The following CX3CR1 variants were observed in gnomAD, a reference collection of about 807,000 sequenced individuals.
CX3CR1 encodes the protein CX3C chemokine receptor 1.
For missense variants in CX3CR1, 363 were observed against 432.4 expected (o/e 0.84, Z 1.42); for synonymous variants, 168 against 178.5 (o/e 0.94, Z 0.47).
At chr3:39,273,623 C>T (rs1037422012) in intron 1 of CX3CR1, among the ~76,000 whole-genome samples, 2 of 152,202 alleles carry the variant, frequency 1.3e-5, no homozygotes, top group African/African-American at 4.8e-5. Context: ...CTCAATTTTT[C>T]AGCAAGAATC....
At chr3:39,290,852 C>T in the CX3CR1 span, among the ~76,000 whole-genome samples, 14 of 151,362 alleles carry the variant, frequency 9.2e-5, no homozygotes, top group African/African-American at 1.9e-4. Context: ...ACCTGGGAGG[C>T]GGAGGTTGCA....
At position 39,265,558 on chromosome 3, in the gene CX3CR1, G is replaced by A. The variant is rs150319988; in HGVS notation, c.952C>T (p.Arg318Cys). 169 of 1,614,154 alleles carry A rather than the reference G, an allele frequency of 1.0e-4. No individual in the cohort carries two copies. The highest frequency in any genetic ancestry group is 4.5e-4 in the Admixed American group (27 of 60,016). ...YGKCLAVLCG[R>C]SVHVDFSSSE... Reference sequence around the variant, plus strand: ...GAGGAGAAATCAACGTGGACTGAGCGCCCACACAGGACAGCCAGGCATTTC... The same window carrying A: ...GAGGAGAAATCAACGTGGACTGAGCACCCACACAGGACAGCCAGGCATTTC... Residue 318 changes from arginine (R) to cysteine (C), a missense_variant, in exon 2 of 2, where the codon CGC (arginine) becomes TGC (cysteine). Transcript: ENST00000399220.
At chr3:39,274,761 C>G (rs367713514) in intron 1 of CX3CR1, among the ~76,000 whole-genome samples, 1 of 151,824 alleles carries the variant, frequency 6.6e-6, no homozygotes, top group Admixed American at 6.6e-5. Flanking sequence ...ATATTCTAGT[C>G]TAAGTAGAAA....
intron 1 of CX3CR1, among the ~76,000 whole-genome samples, chr3:39,278,805 C>T (rs1365345523): frequency 1.3e-5 from 2 of 152,068 alleles, no homozygotes; most frequent in African/African-American, 2.4e-5. Context: ...AATAACAAGC[C>T]GTGGTCAGTC....
At chr3:39,267,168 T>C (rs988857015) in intron 1 of CX3CR1, among the ~76,000 whole-genome samples, 1 of 147,704 alleles carries the variant, frequency 6.8e-6, no homozygotes, top group Non-Finnish European at 1.5e-5. Flanking sequence ...GTTTGACCAA[T>C]GTGTGGATGA....
upstream of CX3CR1, among the ~76,000 whole-genome samples, chr3:39,285,788 T>C (rs950610801): frequency 6.6e-6 from 1 of 152,204 alleles, no homozygotes; most frequent in Non-Finnish European, 1.5e-5. Flanking sequence ...TGAACTACAA[T>C]CTTGAATTTT....
At chr3:39,273,279 G>A (rs1479081286) in intron 1 of CX3CR1, among the ~76,000 whole-genome samples, 2 of 152,218 alleles carry the variant, frequency 1.3e-5, no homozygotes, top group Non-Finnish European at 2.9e-5. Flanking sequence ...AGTGGAAAAT[G>A]GAATGCGGGA....
At chr3:39,288,356 A>G in the CX3CR1 span, among the ~76,000 whole-genome samples, 3 of 152,232 alleles carry the variant, frequency 2.0e-5, no homozygotes, top group African/African-American at 7.2e-5. Context: ...TTAAGGATAC[A>G]AAGATGAATA....
chr3:39,281,786 G>GCCACGGGCACAGGCA, upstream of CX3CR1: 1 of 983,772 alleles, frequency 1.0e-6, no homozygotes, highest in Non-Finnish European at 1.6e-6. Context: ...CAACATGCCT[G>GCCACGGGCACAGGCA]TGCCCGTGGC....
At chr3:39,276,118 T>C (rs1156334005) in intron 1 of CX3CR1, among the ~76,000 whole-genome samples, 1 of 152,044 alleles carries the variant, frequency 6.6e-6, no homozygotes, top group Non-Finnish European at 1.5e-5. Context: ...GTGAAGATGG[T>C]GGAGTTGGGA....
At chr3:39,281,231 C>T (rs9818167), upstream of CX3CR1, 5,391 of 1,040,786 alleles carry the variant, frequency 5.2e-3, 211 homozygotes, top group African/African-American at 0.084. Flanking sequence ...CAGTGTTTGG[C>T]CACCTTTCCC....
At chr3:39,275,955 A>G (rs566014018) in intron 1 of CX3CR1, among the ~76,000 whole-genome samples, 40 of 149,602 alleles carry the variant, frequency 2.7e-4, no homozygotes, top group African/African-American at 9.6e-4. Flanking sequence ...GTTTGAGCTG[A>G]TGTTTTAAGG....
the CX3CR1 span, among the ~76,000 whole-genome samples, chr3:39,288,497 T>C: frequency 6.6e-6 from 1 of 152,174 alleles, no homozygotes; most frequent in African/African-American, 2.4e-5. Flanking sequence ...TCCCCTGAGC[T>C]CTGTCTCCCC....
At position 39,265,503 on chromosome 3, in the gene CX3CR1, C is replaced by T; in HGVS notation, c.1007G>A (p.Ser336Asn). The T allele has an allele frequency of 6.2e-7, 1 of 1,614,246 alleles. No individual in the cohort carries two copies. ...SSESQRSRHG[S>N]VLSSNFTYHT... Reference sequence around the variant, plus strand: ...GTAAGTAAAATTGCTGCTCAGAACACTTCCATGCCTGCTCCTTTGTGATTC... The same window carrying T: ...GTAAGTAAAATTGCTGCTCAGAACATTTCCATGCCTGCTCCTTTGTGATTC... Residue 336 changes from serine (S) to asparagine (N), a missense_variant, in exon 2 of 2, where the codon AGT becomes AAT. By Grantham distance (46) the Ser-to-Asn change is conservative. Transcript: ENST00000399220.
In CX3CR1 at chr3:39,265,655, A is replaced by G. The variant is rs1173177338; in HGVS notation, c.855T>C (p.His285=). The change falls in exon 2 of 2, where the codon CAT becomes CAC. Residue 285 remains histidine, a synonymous_variant. Coordinates refer to ENST00000399220, the MANE Select transcript of CX3CR1 (RefSeq NM_001337.4). Reference sequence around the variant, plus strand: ...CATAGATGAGAGGATTCAGGCAACAATGGCTAAATGCAACCGTCTCAGTCA... The same window carrying G: ...CATAGATGAGAGGATTCAGGCAACAGTGGCTAAATGCAACCGTCTCAGTCA... ...LSVTETVAFS[H]CCLNPLIYAF... is the part of the protein sequence containing the mutation. 6 of 1,614,032 alleles carry G rather than the reference A, an allele frequency of 3.7e-6. No individual in the cohort carries two copies. In the African/African-American group the frequency reaches 5.3e-5, roughly 14 times the overall value.
upstream of CX3CR1, among the ~76,000 whole-genome samples, chr3:39,284,363 C>G (rs186012698): frequency 6.6e-6 from 1 of 152,188 alleles, no homozygotes; most frequent in African/African-American, 2.4e-5. Context: ...GGTTTCACCA[C>G]GTTGGCCAGG....
intron 1 of CX3CR1, among the ~76,000 whole-genome samples, chr3:39,275,921 CA>C (rs5848496): frequency 0.38 from 53,227 of 140,534 alleles, 10,066 homozygotes; most frequent in East Asian, 0.68. Context: ...GAGGATATCA[CA>C]AAAAAAAAAA....
the CX3CR1 span, among the ~76,000 whole-genome samples, chr3:39,291,250 T>G: frequency 1.3e-5 from 2 of 151,898 alleles, no homozygotes; most frequent in Non-Finnish European, 2.9e-5. Context: ...AGAGATGGGG[T>G]TTCACCGTGT....
At chr3:39,284,225 C>A (rs941304345), upstream of CX3CR1, among the ~76,000 whole-genome samples, 2 of 151,976 alleles carry the variant, frequency 1.3e-5, no homozygotes, top group African/African-American at 4.8e-5. Flanking sequence ...ACTCCCATCA[C>A]CCAGGCAGAA....
Sources: allele counts gnomAD v4.1 joint callset (sites outside exome capture counted in the v4.1 genomes callset), GRCh38; gene constraint gnomAD v4.1.1; transcripts MANE v1.5; gene names NCBI Gene and HGNC (gene_info 2026-07-23, HGNC 2026-07-21).